DDR2: variants seen among roughly 807,000 people sequenced by gnomAD.
DDR2 encodes discoidin domain receptor tyrosine kinase 2, also known as discoidin domain-containing receptor 2.
DDR2 carries 27 observed loss-of-function variants against 94.9 expected under a neutral mutation model. The observed-to-expected ratio is 0.28, with a 90% CI of 0.21 to 0.39. The LOEUF (loss-of-function observed/expected upper bound fraction) is 0.39. Ranked by LOEUF, DDR2 falls within the 10% of genes least tolerant of loss-of-function variation. The pLI is 1.00. For missense variants in DDR2, 783 were observed against 1,076.0 expected (o/e 0.73, Z 3.81); for synonymous variants, 382 against 377.2 (o/e 1.01, Z -0.15).
intron 3 of DDR2, among the ~76,000 whole-genome samples, chr1:162,728,134 A>G (rs1206939357): frequency 6.9e-6 from 1 of 143,892 alleles, no homozygotes; most frequent in Admixed American, 7.1e-5. Flanking sequence ...CACACTATAT[A>G]TATCTATATA....
intron 2 of DDR2, among the ~76,000 whole-genome samples, chr1:162,711,930 G>A (rs1660934989): frequency 6.6e-6 from 1 of 151,970 alleles, no homozygotes; most frequent in African/African-American, 2.4e-5. Context: ...CCACTGAAGG[G>A]CTGCTGTTTC....
intron 3 of DDR2, among the ~76,000 whole-genome samples, chr1:162,745,880 A>C (rs1333080179): frequency 6.6e-6 from 1 of 152,228 alleles, no homozygotes; most frequent in Non-Finnish European, 1.5e-5. Flanking sequence ...GAGATTTTGA[A>C]ATGCAATCAG....
chr1:162,778,495 G>C (rs998098030), intron 16 of DDR2, 85 bp from the exon 17 acceptor site: 6 of 1,538,646 alleles, frequency 3.9e-6, no homozygotes, highest in Non-Finnish European at 5.4e-6. Flanking sequence ...TGGGGGAAGG[G>C]GTATAGCTGC....
At position 162,782,613 on chromosome 1, in the gene DDR2, C is replaced by T. The variant is rs1044934761; in HGVS notation, c.*2367C>T. On this transcript the variant is annotated 3_prime_UTR_variant, in exon 18 of 18. Coordinates refer to ENST00000367921, the MANE Select transcript of DDR2 (RefSeq NM_006182.4). ...CACATGTCTCTGGTAGGGCTACATC[C>T]AGATCACACCATGACTTCTTATAGA... is the stretch of plus-strand genomic sequence containing the variant. 2 of 152,134 alleles carry T rather than the reference C, an allele frequency of 1.3e-5. No individual in the cohort carries two copies. Among genetic ancestry groups the T allele is most frequent in the Admixed American group, 1.3e-4 (2 of 15,278 alleles). 9.4% of individuals were successfully genotyped at this position (152,134 alleles called of 1,614,324 possible).
At chr1:162,779,724 T>C (rs1046915173) in intron 17 of DDR2, among the ~76,000 whole-genome samples, 22 of 152,146 alleles carry the variant, frequency 1.4e-4, no homozygotes, top group African/African-American at 5.3e-4. Context: ...GATAAGTGAG[T>C]GGGCCAAAGA....
intron 3 of DDR2, among the ~76,000 whole-genome samples, chr1:162,750,975 C>T (rs982711825): frequency 1.3e-5 from 2 of 152,140 alleles, no homozygotes; most frequent in African/African-American, 4.8e-5. Flanking sequence ...CCCTTCCTTA[C>T]ACCTTATACA....
chr1:162,770,895 A>G (rs1664237009), intron 12 of DDR2, among the ~76,000 whole-genome samples: 2 of 152,234 alleles, frequency 1.3e-5, no homozygotes, highest in Non-Finnish European at 2.9e-5. Context: ...GGGTAAAGGC[A>G]GGACTAGATT....
Position 162,639,592 on chromosome 1 carries a change from T to A in DDR2, c.-192+6961T>A, listed in dbSNP as rs149000306. 1.5e-3 allele frequency among the ~76,000 whole-genome samples: 231 copies of A among 152,352 alleles called. 4 individuals carry two copies. The highest frequency in any genetic ancestry group is 5.2e-3 in the African/African-American group (216 of 41,580). ...CTTGGATATTGTGATGACTTTTTAG[T>A]TACAGCACCAAAGGCACTATCTGTG... On this transcript the variant is annotated intron_variant, in intron 1 of 17. Transcript: ENST00000367921.
chr1:162,722,178 T>C (rs1383029950), intron 3 of DDR2, among the ~76,000 whole-genome samples: 2 of 152,220 alleles, frequency 1.3e-5, no homozygotes, highest in African/African-American at 4.8e-5. Flanking sequence ...CAGAGATAGT[T>C]GGCTGAAGCA....
intron 3 of DDR2, among the ~76,000 whole-genome samples, chr1:162,747,922 A>G (rs1419717768): frequency 5.9e-5 from 9 of 152,208 alleles, no homozygotes; most frequent in Non-Finnish European, 2.9e-5. Flanking sequence ...TGAAGGAGAA[A>G]TAAAATCCTT....
Position 162,780,358 on chromosome 1 carries a change from G to C in DDR2, c.*112G>C, listed in dbSNP as rs1647830602. The C allele has an allele frequency of 1.3e-6, 2 of 1,524,170 alleles. No individual in the cohort carries two copies. Among genetic ancestry groups the C allele is most frequent in the Non-Finnish European group, 1.8e-6 (2 of 1,117,844 alleles). 94.4% of individuals were successfully genotyped at this position (1,524,170 alleles called of 1,614,324 possible). A position where few individuals can be genotyped will look rare whatever the true frequency, so the allele number is the denominator to read the frequency against. On this transcript the variant is annotated 3_prime_UTR_variant, in exon 18 of 18. Transcript: ENST00000367921. Reference sequence around the variant, plus strand: ...ACATTTAATGAAACTGAGAGACAGAGGCTTGTTTGCTTTGCCCTCTTTTCC... The same window carrying C: ...ACATTTAATGAAACTGAGAGACAGACGCTTGTTTGCTTTGCCCTCTTTTCC...
At chr1:162,730,069 A>C (rs984071866) in intron 3 of DDR2, among the ~76,000 whole-genome samples, 2 of 151,392 alleles carry the variant, frequency 1.3e-5, no homozygotes, top group Admixed American at 6.6e-5. Flanking sequence ...AAAAAAAAAA[A>C]AAAAAATCTA....
At chr1:162,709,391 T>G (rs1324780674) in intron 2 of DDR2, among the ~76,000 whole-genome samples, 4 of 152,202 alleles carry the variant, frequency 2.6e-5, no homozygotes, top group Non-Finnish European at 2.9e-5. Flanking sequence ...AGAGAACAAG[T>G]GCTAGGCTGG....
intron 3 of DDR2, among the ~76,000 whole-genome samples, chr1:162,726,975 A>G (rs1451667417): frequency 6.6e-6 from 1 of 151,022 alleles, no homozygotes; most frequent in South Asian, 2.1e-4. Flanking sequence ...TGTAAGAAAC[A>G]TAGATTGATA....
rs2102127602 is a variant in DDR2 at position 162,753,078 on chromosome 1, G to C, written c.83-17G>C. ...AAACCATGTCCTCTCTTTTCTCTTT[G>C]GTTTCTCTTGGTCTAGCTATATGCC... On this transcript the variant is annotated splice_polypyrimidine_tract_variant and intron_variant, in intron 3 of 17. Transcript: ENST00000367921. 3 of 1,605,452 alleles carry C rather than the reference G, an allele frequency of 1.9e-6. No individual in the cohort carries two copies. The South Asian group carries it at 3.3e-5, about 18-fold the overall frequency.
chr1:162,727,460 G>A (rs1661748770), intron 3 of DDR2, among the ~76,000 whole-genome samples: 1 of 142,602 alleles, frequency 7.0e-6, no homozygotes, highest in Non-Finnish European at 1.5e-5. Context: ...ATATCTATAT[G>A]TTCACATGTT....
At chr1:162,755,065 GA>G in intron 5 of DDR2, 90 bp from the exon 6 acceptor site, 1 of 1,571,210 alleles carries the variant, frequency 6.4e-7, no homozygotes, top group South Asian at 1.1e-5. Flanking sequence ...CTCGAATTAA[GA>G]AGAGAGAGTC....
intron 2 of DDR2, among the ~76,000 whole-genome samples, chr1:162,661,058 C>T (rs1658269010): frequency 6.6e-6 from 1 of 152,226 alleles, no homozygotes; most frequent in African/African-American, 2.4e-5. Context: ...GAATCCATGG[C>T]TATTCATAGA....
chr1:162,640,729 AG>A (rs1173329500), intron 1 of DDR2, among the ~76,000 whole-genome samples: 1 of 152,222 alleles, frequency 6.6e-6, no homozygotes, highest in Non-Finnish European at 1.5e-5. Context: ...AAGCTACCTG[AG>A]GCAGAAATGT....
Sources: gnomAD v4.1 joint callset for allele counts (sites outside exome capture counted in the v4.1 genomes callset) on GRCh38, gnomAD v4.1.1 for gene constraint, MANE v1.5 for transcripts, NCBI Gene and HGNC (gene_info 2026-07-23, HGNC 2026-07-21) for gene names.